UBE4B: variants seen among roughly 807,000 people sequenced by gnomAD.
UBE4B encodes the protein ubiquitination factor E4B.
Under a neutral mutation model 148.1 loss-of-function variants are expected in UBE4B, and 27 were observed. The observed-to-expected ratio is 0.18, with a 90% CI of 0.13 to 0.25. The LOEUF (loss-of-function observed/expected upper bound fraction) is 0.25, where lower values mean the gene tolerates loss of function less well. UBE4B is among the 10% of genes least tolerant of loss of function. The pLI, the probability that UBE4B is intolerant of heterozygous loss-of-function variation, is 1.00. For missense variants in UBE4B, 1,170 were observed against 1,662.4 expected (o/e 0.70, Z 5.15); for synonymous variants, 596 against 619.3 (o/e 0.96, Z 0.56).
chr1:10,065,584 T>TTTGC (rs1644372774), intron 1 of UBE4B, among the ~76,000 whole-genome samples: 1 of 152,204 alleles, frequency 6.6e-6, no homozygotes, highest in Non-Finnish European at 1.5e-5. Flanking sequence ...TGGAGTTTGC[T>TTTGC]CTGCCTCTTG....
At chr1:10,092,622 G>A (rs576485720) in intron 2 of UBE4B, among the ~76,000 whole-genome samples, 7 of 152,206 alleles carry the variant, frequency 4.6e-5, no homozygotes, top group African/African-American at 1.7e-4. Context: ...GAGGTCAGGA[G>A]TTCAAGACCA....
chr1:10,103,008 T>G lies in UBE4B; in HGVS notation c.496T>G (p.Phe166Val). ...GGCCTTACAGCTGGTCTGTAAGATC[T>G]TCCGTGTCTCTTGGAAGGACCGGGA... ...EQALQLVCKI[F>V]RVSWKDRDRD... is the part of the protein sequence containing the mutation. The change falls in exon 5 of 28, where the codon TTC becomes GTC. Residue 166 changes from phenylalanine to valine, a missense_variant. Physicochemically the swap from Phe to Val is conservative, Grantham distance 50. Transcript: ENST00000343090. The G allele has an allele frequency of 6.2e-7, 1 of 1,613,814 alleles. No individual in the cohort carries two copies.
intron 2 of UBE4B, among the ~76,000 whole-genome samples, chr1:10,076,809 T>G (rs1644591904): frequency 6.8e-6 from 1 of 146,396 alleles, no homozygotes; most frequent in Non-Finnish European, 1.5e-5. Flanking sequence ...TGCAATGGCA[T>G]GATCTCGACT....
intron 1 of UBE4B, among the ~76,000 whole-genome samples, chr1:10,052,219 A>C (rs1417279320): frequency 6.6e-6 from 1 of 151,746 alleles, no homozygotes; most frequent in Non-Finnish European, 1.5e-5. Context: ...GGTGCATGCC[A>C]CCATACCTGG....
chr1:10,055,450 G>A (rs1644147534), intron 1 of UBE4B, among the ~76,000 whole-genome samples: 2 of 152,050 alleles, frequency 1.3e-5, no homozygotes. Context: ...GAGTAGCTAG[G>A]ACTACAGGCG....
At chr1:10,133,084 G>A (rs1221202644) in intron 15 of UBE4B, among the ~76,000 whole-genome samples, 1 of 152,118 alleles carries the variant, frequency 6.6e-6, no homozygotes, top group Non-Finnish European at 1.5e-5. Context: ...GACCCAAGGG[G>A]GCAGCCAGGA....
At chr1:10,049,874 G>A (rs1438036999) in intron 1 of UBE4B, among the ~76,000 whole-genome samples, 1 of 143,646 alleles carries the variant, frequency 7.0e-6, no homozygotes, top group Non-Finnish European at 1.5e-5. Context: ...CTGGGCGAGA[G>A]AGCAAAAGAC....
chr1:10,170,594 A>G (rs1316574124), intron 24 of UBE4B, among the ~76,000 whole-genome samples: 1 of 152,222 alleles, frequency 6.6e-6, no homozygotes, highest in Non-Finnish European at 1.5e-5. Context: ...ACTCTGTCTC[A>G]TTGACTAGAT....
At position 10,130,345 on chromosome 1, in the gene UBE4B, T is replaced by C. The variant is rs1048626580; in HGVS notation, c.1696-155T>C. On this transcript the variant is annotated intron_variant, in intron 12 of 27. Coordinates refer to ENST00000343090, the MANE Select transcript of UBE4B (RefSeq NM_001105562.3). ...CCCCACCCACACTGGCCTCCCAAAGTGCTGGGATTACAGGCGTGAGCCACC... is the reference window on the plus strand; with the variant it reads ...CCCCACCCACACTGGCCTCCCAAAGCGCTGGGATTACAGGCGTGAGCCACC... 3.9e-5 allele frequency among the ~76,000 whole-genome samples: 6 copies of C among 151,990 alleles called. No homozygotes were observed. In the South Asian group the frequency reaches 1.2e-3, roughly 31 times the overall value.
chr1:10,122,745 TCA>T (rs1645430750), intron 10 of UBE4B, among the ~76,000 whole-genome samples: 1 of 152,226 alleles, frequency 6.6e-6, no homozygotes, highest in Non-Finnish European at 1.5e-5. Context: ...TTAGCAACTG[TCA>T]CACAAGTTTT....
At position 10,106,611 on chromosome 1, in the gene UBE4B, T is replaced by C; in HGVS notation, c.1196+28T>C. ...ATTTATCCCACAGGAGAGTTGCATG[T>C]GTGTTTGCGGTGCAGGGAAAGGAGA... On this transcript the variant is annotated intron_variant, in intron 7 of 27. Coordinates refer to ENST00000343090, the MANE Select transcript of UBE4B (RefSeq NM_001105562.3). The surrounding 1 kb of genome is among the most constrained non-coding windows in gnomAD (Gnocchi z 4.2). 1 of 1,507,154 alleles carries C rather than the reference T, an allele frequency of 6.6e-7. No homozygotes were observed. The highest frequency in any genetic ancestry group is 8.8e-7 in the Non-Finnish European group (1 of 1,136,214). 93.4% of individuals were successfully genotyped at this position (1,507,154 alleles called of 1,614,324 possible). A position where few individuals can be genotyped will look rare whatever the true frequency, so the allele number is the denominator to read the frequency against.
At chr1:10,065,002 G>A (rs1203014539) in intron 1 of UBE4B, among the ~76,000 whole-genome samples, 1 of 152,112 alleles carries the variant, frequency 6.6e-6, no homozygotes, top group Non-Finnish European at 1.5e-5. Context: ...GACCTCAAGT[G>A]ATCCACCCGC....
chr1:10,167,162 G>A (rs939866217), intron 23 of UBE4B, among the ~76,000 whole-genome samples: 2 of 150,936 alleles, frequency 1.3e-5, no homozygotes, highest in Admixed American at 6.6e-5. Flanking sequence ...ATAGAGGGCC[G>A]GGCACGGTGG....
At chr1:10,068,275 C>T (rs1393034376) in intron 1 of UBE4B, among the ~76,000 whole-genome samples, 2 of 152,068 alleles carry the variant, frequency 1.3e-5, no homozygotes, top group African/African-American at 4.8e-5. Context: ...GTGATCCCAC[C>T]TACCTTGGCC....
chr1:10,177,046 C>CAAAGTGCTGGGATT (rs1646439116), intron 25 of UBE4B, among the ~76,000 whole-genome samples: 1 of 151,204 alleles, frequency 6.6e-6, no homozygotes, highest in Admixed American at 6.6e-5. Flanking sequence ...CTTGGCCTCC[C>CAAAGTGCTGGGATT]AAAGTGCTGG....
intron 1 of UBE4B, among the ~76,000 whole-genome samples, chr1:10,040,774 T>G (rs1643729192): frequency 6.6e-6 from 1 of 151,950 alleles, no homozygotes; most frequent in Non-Finnish European, 1.5e-5. Context: ...TGTACCACCA[T>G]GCCTGGCTAA....
intron 21 of UBE4B, among the ~76,000 whole-genome samples, chr1:10,155,697 A>T (rs1347570539): frequency 6.6e-6 from 1 of 152,252 alleles, no homozygotes; most frequent in Non-Finnish European, 1.5e-5. Context: ...AGCTCCTCTT[A>T]ACACCACAGA....
chr1:10,076,463 C>CAGCCTCAGGT (rs1644582652), intron 2 of UBE4B, among the ~76,000 whole-genome samples: 1 of 151,904 alleles, frequency 6.6e-6, no homozygotes, highest in Non-Finnish European at 1.5e-5. Flanking sequence ...AGGCTGGTCT[C>CAGCCTCAGGT]GAACTCCTGA....
At chr1:10,043,353 A>G (rs535630468) in intron 1 of UBE4B, among the ~76,000 whole-genome samples, 55 of 144,806 alleles carry the variant, frequency 3.8e-4, no homozygotes, top group African/African-American at 1.1e-3. Context: ...TTTTTCAATC[A>G]TTTCTGAGAT....
Sources: gnomAD v4.1 joint callset for allele counts (sites outside exome capture counted in the v4.1 genomes callset) on GRCh38, gnomAD v4.1.1 for gene constraint, Gnocchi (gnomAD v3.1) non-coding constraint, MANE v1.5 for transcripts, NCBI Gene and HGNC (gene_info 2026-07-23, HGNC 2026-07-21) for gene names.